The following WWOX variants were observed in gnomAD, a reference collection of about 807,000 sequenced individuals.
WWOX encodes WW domain-containing oxidoreductase.
Under a neutral mutation model 46.2 loss-of-function variants are expected in WWOX, and 69 were observed. The ratio of observed to expected loss-of-function variants is 1.49; its 90% confidence interval spans 1.23 to 1.82. The LOEUF (loss-of-function observed/expected upper bound fraction) is 1.82. Among genes scored for constraint, WWOX ranks in the 40% most tolerant of loss-of-function variants. The pLI is 0.00. For missense variants in WWOX, 919 were observed against 542.6 expected, an observed-to-expected ratio of 1.69 and a Z score of -6.89; for synonymous variants, 359 against 202.6, an observed-to-expected ratio of 1.77 and a Z score of -6.56.
At chr16:78,522,750 G>T (rs931278673) in intron 8 of WWOX, among the ~76,000 whole-genome samples, 3 of 152,212 alleles carry the variant, frequency 2.0e-5, no homozygotes, top group African/African-American at 7.2e-5. Flanking sequence ...GGATGATAAA[G>T]TCAAGTCGAA....
chr16:78,766,894 TA>T (rs1274846315), intron 8 of WWOX, among the ~76,000 whole-genome samples: 5 of 152,218 alleles, frequency 3.3e-5, no homozygotes, highest in Non-Finnish European at 1.5e-5. Flanking sequence ...TACCTATACC[TA>T]AAATATTTTC....
chr16:78,851,013 G>C (rs2052429787), intron 8 of WWOX, among the ~76,000 whole-genome samples: 1 of 152,172 alleles, frequency 6.6e-6, no homozygotes, highest in Non-Finnish European at 1.5e-5. Context: ...AGCTCCTAGA[G>C]ATAAATTTTT....
At chr16:78,720,749 C>A (rs941449714) in intron 8 of WWOX, among the ~76,000 whole-genome samples, 1 of 152,132 alleles carries the variant, frequency 6.6e-6, no homozygotes, top group African/African-American at 2.4e-5. Context: ...CTTGTCTCTT[C>A]TAGAATTTAG....
chr16:78,999,500 G>A (rs2047053216), intron 8 of WWOX, among the ~76,000 whole-genome samples: 1 of 152,162 alleles, frequency 6.6e-6, no homozygotes, highest in Admixed American at 6.5e-5. Context: ...CATCACTTAT[G>A]CTCTTGATGG....
chr16:78,242,617 G>C (rs2037691460), intron 5 of WWOX, among the ~76,000 whole-genome samples: 1 of 152,158 alleles, frequency 6.6e-6, no homozygotes, highest in African/African-American at 2.4e-5. Flanking sequence ...GGGTAGCAGG[G>C]TGACCTCCTG....
intron 5 of WWOX, among the ~76,000 whole-genome samples, chr16:78,185,244 C>G (rs2035661947): frequency 1.3e-5 from 2 of 152,160 alleles, no homozygotes; most frequent in Admixed American, 6.5e-5. Flanking sequence ...ACGGTCATGT[C>G]AAGCCTTTTT....
intron 8 of WWOX, among the ~76,000 whole-genome samples, chr16:78,906,114 G>C (rs1384604378): frequency 1.3e-5 from 2 of 152,198 alleles, no homozygotes; most frequent in Non-Finnish European, 2.9e-5. Context: ...AGGAGTCTGA[G>C]GGGAATGCCA....
intron 5 of WWOX, among the ~76,000 whole-genome samples, chr16:78,354,984 T>C (rs1042222683): frequency 6.6e-6 from 1 of 151,916 alleles, no homozygotes; most frequent in Admixed American, 6.6e-5. Flanking sequence ...ATGCAAAAAT[T>C]AGCCGGGAGT....
intron 5 of WWOX, among the ~76,000 whole-genome samples, chr16:78,216,600 A>G (rs1377805349): frequency 6.6e-6 from 1 of 151,826 alleles, no homozygotes; most frequent in Non-Finnish European, 1.5e-5. Context: ...AAAGCCAGCA[A>G]GATTGCATCT....
intron 8 of WWOX, among the ~76,000 whole-genome samples, chr16:78,735,544 T>G (rs1403110777): frequency 6.6e-6 from 1 of 152,206 alleles, no homozygotes; most frequent in Non-Finnish European, 1.5e-5. Context: ...TGTTTTATAC[T>G]CAGCCATACA....
chr16:78,670,104 C>T (rs556249745), intron 8 of WWOX, among the ~76,000 whole-genome samples: 1 of 152,066 alleles, frequency 6.6e-6, no homozygotes, highest in South Asian at 2.1e-4. Flanking sequence ...GAAGCTCCAT[C>T]TTTGTTGTGA....
chr16:78,720,522 G>T (rs1283676320), intron 8 of WWOX, among the ~76,000 whole-genome samples: 1 of 149,070 alleles, frequency 6.7e-6, no homozygotes. Context: ...TTAGGACCCA[G>T]TTACTCTCTT....
At chr16:78,207,064 C>A (rs927721059) in intron 5 of WWOX, among the ~76,000 whole-genome samples, 6 of 152,138 alleles carry the variant, frequency 3.9e-5, no homozygotes, top group Non-Finnish European at 7.3e-5. Flanking sequence ...GGCCAGAGGG[C>A]TAAGGAAAGG....
At chr16:78,978,873 T>G (rs767751587) in intron 8 of WWOX, among the ~76,000 whole-genome samples, 3 of 152,140 alleles carry the variant, frequency 2.0e-5, no homozygotes, top group Non-Finnish European at 4.4e-5. Flanking sequence ...CAATTCAACA[T>G]GAGATTTCGG....
chr16:78,519,113 C>T (rs539419199), intron 8 of WWOX, among the ~76,000 whole-genome samples: 19 of 152,280 alleles, frequency 1.2e-4, no homozygotes, highest in South Asian at 2.1e-4. Context: ...CAGTTGGCTC[C>T]GTCTATTAGC....
chr16:78,838,155 A>G (rs1300507660), intron 8 of WWOX, among the ~76,000 whole-genome samples: 2 of 152,128 alleles, frequency 1.3e-5, no homozygotes, highest in Non-Finnish European at 1.5e-5. Flanking sequence ...CTGCATGCAC[A>G]TTGGAAGGTA....
chr16:78,655,634 G>A (rs948947122), intron 8 of WWOX, among the ~76,000 whole-genome samples: 4 of 152,132 alleles, frequency 2.6e-5, no homozygotes, highest in Admixed American at 6.5e-5. Context: ...AGTGATAATT[G>A]GGTTTGGAAT....
At chr16:78,960,557 A>G (rs1165110117) in intron 8 of WWOX, among the ~76,000 whole-genome samples, 1 of 152,236 alleles carries the variant, frequency 6.6e-6, no homozygotes, top group Non-Finnish European at 1.5e-5. Flanking sequence ...ACAAGAGAGC[A>G]GGTATTTATT....
intron 8 of WWOX, among the ~76,000 whole-genome samples, chr16:78,768,300 A>AAGG (rs1555531813): frequency 6.7e-6 from 1 of 148,796 alleles, no homozygotes; most frequent in Non-Finnish European, 1.5e-5. Context: ...AAAAAAAAAA[A>AAGG]GTTGCCTGGC....
Sources: gnomAD v4.1 joint callset for allele counts (sites outside exome capture counted in the v4.1 genomes callset) on GRCh38, gnomAD v4.1.1 for gene constraint, MANE v1.5 for transcripts, NCBI Gene and HGNC (gene_info 2026-07-23, HGNC 2026-07-21) for gene names.